SHANK2: variants seen among roughly 807,000 people sequenced by gnomAD.
SHANK2 encodes the protein SH3 and multiple ankyrin repeat domains protein 2.
Under a neutral mutation model 133.7 loss-of-function variants are expected in SHANK2, and 43 were observed. The ratio of observed to expected loss-of-function variants is 0.32; its 90% CI spans 0.25 to 0.41. The LOEUF (loss-of-function observed/expected upper bound fraction) is 0.41. Among genes scored for constraint, SHANK2 ranks in the 10% least tolerant of loss-of-function variants. The pLI is 1.00. For missense variants in SHANK2, 1,994 were observed against 2,235.8 expected, an observed-to-expected ratio of 0.89 and a Z score of 2.18; for synonymous variants, 1,017 against 952.8, an observed-to-expected ratio of 1.07 and a Z score of -1.24.
At chr11:70,713,653 C>T (rs1438637423) in intron 14 of SHANK2, among the ~76,000 whole-genome samples, 3 of 152,190 alleles carry the variant, frequency 2.0e-5, no homozygotes, top group African/African-American at 4.8e-5. Flanking sequence ...TGCCTCCAGG[C>T]GGCAGAGCTG....
chr11:70,615,057 G>C (rs1246492052), intron 17 of SHANK2, among the ~76,000 whole-genome samples: 2 of 152,232 alleles, frequency 1.3e-5, no homozygotes, highest in African/African-American at 4.8e-5. Flanking sequence ...CCCATTCGTG[G>C]ACATGCCATC....
At position 71,110,111 on chromosome 11, in the gene SHANK2, A is replaced by G. The variant is rs539914475; in HGVS notation, c.484-62T>C. 6 of 1,218,392 alleles carry G rather than the reference A, an allele frequency of 4.9e-6. No individual in the cohort carries two copies. The Admixed American group carries it at 1.2e-4, about 24-fold the overall frequency. The allele number at this position is 1,218,392 out of a possible 1,614,324, so 75.5% of individuals were successfully genotyped here. A position where few individuals can be genotyped will look rare whatever the true frequency, so the allele number is the denominator to read the frequency against. ...AAGAAATGTCCCAACCTGAGCAACA[A>G]AGTGAGACCCCGTCTCTACAAAAAA... On this transcript the variant is annotated intron_variant, in intron 5 of 25. Coordinates refer to ENST00000601538, the MANE Select transcript of SHANK2 (RefSeq NM_012309.5).
intron 11 of SHANK2, among the ~76,000 whole-genome samples, chr11:70,840,289 C>A (rs537098001): frequency 7.2e-5 from 11 of 152,352 alleles, no homozygotes; most frequent in African/African-American, 2.6e-4. Context: ...ACCTGGCACA[C>A]TACAGAGCAT....
At chr11:70,893,164 A>G (rs1949877957) in intron 11 of SHANK2, among the ~76,000 whole-genome samples, 1 of 152,248 alleles carries the variant, frequency 6.6e-6, no homozygotes, top group Admixed American at 6.5e-5. Context: ...GCTGGCCTGT[A>G]GTACTTGGTA....
intron 14 of SHANK2, among the ~76,000 whole-genome samples, chr11:70,766,012 C>T (rs528676685): frequency 6.6e-6 from 1 of 152,290 alleles, no homozygotes; most frequent in African/African-American, 2.4e-5. Context: ...ACTTACTCAT[C>T]CATAGCAGGT....
At chr11:70,711,455 T>A (rs1222714512) in intron 14 of SHANK2, among the ~76,000 whole-genome samples, 1 of 152,256 alleles carries the variant, frequency 6.6e-6, no homozygotes, top group Non-Finnish European at 1.5e-5. Flanking sequence ...CTGATGGGGA[T>A]GAAAGACCGA....
intron 14 of SHANK2, among the ~76,000 whole-genome samples, chr11:70,703,043 A>G (rs1555024128): frequency 1.3e-5 from 2 of 152,228 alleles, no homozygotes; most frequent in African/African-American, 4.8e-5. Context: ...TCTGCCTCCC[A>G]AGGTGGCCTC....
intron 2 of SHANK2, among the ~76,000 whole-genome samples, chr11:71,161,676 T>C (rs1366523032): frequency 6.6e-6 from 1 of 152,240 alleles, no homozygotes; most frequent in Non-Finnish European, 1.5e-5. Context: ...GACTCCACTT[T>C]GTGTTGTCCC....
intron 15 of SHANK2, among the ~76,000 whole-genome samples, chr11:70,677,746 C>G (rs1944930300): frequency 2.0e-5 from 3 of 152,326 alleles, no homozygotes. Flanking sequence ...CCAGGCTCCC[C>G]CTGAGCCCGA....
chr11:71,246,735 G>A (rs1437511220), intron 1 of SHANK2, among the ~76,000 whole-genome samples: 8 of 152,022 alleles, frequency 5.3e-5, no homozygotes, highest in African/African-American at 4.8e-5. Flanking sequence ...GCTATCCCCC[G>A]GAAGCTGGTG....
chr11:71,101,007 G>A (rs1951708544), intron 6 of SHANK2, among the ~76,000 whole-genome samples: 1 of 152,134 alleles, frequency 6.6e-6, no homozygotes, highest in African/African-American at 2.4e-5. Context: ...GTGTAATTCT[G>A]TAATGGTGGG....
At chr11:71,135,079 C>A (rs1952411386) in intron 3 of SHANK2, among the ~76,000 whole-genome samples, 2 of 152,234 alleles carry the variant, frequency 1.3e-5, no homozygotes, top group African/African-American at 4.8e-5. Context: ...CTCTGCTGAG[C>A]CAACACACCA....
intron 10 of SHANK2, among the ~76,000 whole-genome samples, chr11:70,930,659 C>CTTTTTTTTTTT (rs367913415): frequency 1.8e-5 from 2 of 114,194 alleles, no homozygotes; most frequent in Non-Finnish European, 1.8e-5. Flanking sequence ...ATTTCTTTGT[C>CTTTTTTTTTTT]TTTTTTTTTT....
chr11:70,756,885 G>C (rs1298557029), intron 14 of SHANK2, among the ~76,000 whole-genome samples: 1 of 151,522 alleles, frequency 6.6e-6, no homozygotes, highest in African/African-American at 2.4e-5. Flanking sequence ...TGTTACAAAA[G>C]AGAACGGATA....
At chr11:70,746,813 C>A (rs1946647534) in intron 14 of SHANK2, among the ~76,000 whole-genome samples, 1 of 9,490 alleles carries the variant, frequency 1.1e-4, no homozygotes, top group Admixed American at 1.4e-3. Flanking sequence ...GCTGCCCCCA[C>A]ACTGGGGGAG....
At chr11:70,678,635 C>T (rs1019256439) in intron 15 of SHANK2, among the ~76,000 whole-genome samples, 51 of 150,400 alleles carry the variant, frequency 3.4e-4, no homozygotes, top group African/African-American at 1.2e-3. Context: ...CTCCACCTCC[C>T]GGGTTCAAGT....
Position 70,739,915 on chromosome 11 carries a change from C to G in SHANK2, c.1778-41152G>C, listed in dbSNP as rs930417273. On this transcript the variant is annotated intron_variant, in intron 14 of 25. Transcript: ENST00000601538. The surrounding 1 kb of genome is among the most constrained non-coding windows in gnomAD (Gnocchi z 4.3). ...GCCGCAGAGGATGATGATCCCGAATCCTGGCATTCGGTGGCACGCAGGTAG... is the reference window on the plus strand; with the variant it reads ...GCCGCAGAGGATGATGATCCCGAATGCTGGCATTCGGTGGCACGCAGGTAG... Among the ~76,000 whole-genome samples the G allele has an allele frequency of 7.9e-5, 12 of 152,246 alleles. No individual in the cohort carries two copies. The highest frequency in any genetic ancestry group is 1.7e-4 in the African/African-American group (7 of 41,468).
Position 70,940,279 on chromosome 11 carries a change from G to A in SHANK2, c.1108-43712C>T, listed in dbSNP as rs372007057. Reference sequence around the variant, plus strand: ...TTTCTCTCTTTTGAGACAGAGTCTCGCTGTGTCACCAGGCTGGAGTGCAGT... The same window carrying A: ...TTTCTCTCTTTTGAGACAGAGTCTCACTGTGTCACCAGGCTGGAGTGCAGT... On this transcript the variant is annotated intron_variant, in intron 10 of 25. Transcript: ENST00000601538. Among the ~76,000 whole-genome samples the A allele has an allele frequency of 8.9e-4, 41 of 46,276 alleles. 1 individual carries two copies. Among genetic ancestry groups the A allele is most frequent in the African/African-American group, 2.5e-3 (33 of 13,302 alleles). 30.4% of individuals were successfully genotyped at this position (46,276 alleles called of 152,430 possible).
intron 6 of SHANK2, among the ~76,000 whole-genome samples, chr11:71,101,774 C>T (rs566651998): frequency 1.3e-5 from 2 of 152,304 alleles, no homozygotes; most frequent in East Asian, 1.9e-4. Flanking sequence ...AGAATGTCCT[C>T]GAGGCCTCCT....
Sources: gnomAD v4.1 joint callset for allele counts (sites outside exome capture counted in the v4.1 genomes callset) on GRCh38, gnomAD v4.1.1 for gene constraint, Gnocchi (gnomAD v3.1) non-coding constraint, MANE v1.5 for transcripts, NCBI Gene and HGNC (gene_info 2026-07-23, HGNC 2026-07-21) for gene names.